SORT1: variants seen among roughly 807,000 people sequenced by gnomAD.
The protein encoded by SORT1 is sortilin.
Under a neutral mutation model 101.7 loss-of-function variants are expected in SORT1, and 39 were observed. The observed-to-expected ratio is 0.38, with a 90% CI of 0.30 to 0.50. SORT1 has a LOEUF of 0.50. SORT1 is among the 20% of genes least tolerant of loss of function. The pLI is 0.90. For missense variants in SORT1, 878 were observed against 1,040.4 expected (o/e 0.84, Z 2.15); for synonymous variants, 396 against 393.7 (o/e 1.01, Z -0.07).
At chr1:109,377,989 T>C (rs938828888) in intron 1 of SORT1, among the ~76,000 whole-genome samples, 1 of 152,056 alleles carries the variant, frequency 6.6e-6, no homozygotes, top group African/African-American at 2.4e-5. Flanking sequence ...CCCAGCACAT[T>C]GGGAGGCTGA....
chr1:109,379,668 G>T (rs1652096954), intron 1 of SORT1, among the ~76,000 whole-genome samples: 1 of 152,192 alleles, frequency 6.6e-6, no homozygotes, highest in Admixed American at 6.5e-5. Context: ...TGGGTGAAAT[G>T]TCAGCTTGAT....
chr1:109,335,876 A>C (rs1396851472), intron 11 of SORT1, among the ~76,000 whole-genome samples: 1 of 152,208 alleles, frequency 6.6e-6, no homozygotes, highest in Admixed American at 6.5e-5. Context: ...AAGGCTGTGC[A>C]CTGCTTATGA....
intron 11 of SORT1, 69 bp downstream of exon 11, chr1:109,336,171 A>C: frequency 1.1e-6 from 1 of 946,318 alleles, no homozygotes; most frequent in Non-Finnish European, 1.7e-6. Flanking sequence ...TTCATCATCC[A>C]AAAGGCTGGC....
chr1:109,396,391 A>AT (rs201716200), intron 1 of SORT1, among the ~76,000 whole-genome samples: 1,620 of 151,560 alleles, frequency 0.011, 12 homozygotes, highest in Non-Finnish European at 0.017. Context: ...AGTCTATTCG[A>AT]TTTTTTTTTC....
chr1:109,354,232 A>C (rs1190620726), intron 5 of SORT1, 135 bp downstream of exon 5: 1 of 625,508 alleles, frequency 1.6e-6, no homozygotes, highest in Admixed American at 3.2e-5. Flanking sequence ...AACGTCAAAA[A>C]AATACATACT....
chr1:109,319,491 G>A (rs929040779), intron 15 of SORT1, among the ~76,000 whole-genome samples: 1 of 152,148 alleles, frequency 6.6e-6, no homozygotes, highest in Non-Finnish European at 1.5e-5. Flanking sequence ...TTTCTCAAAA[G>A]AATATTTTTT....
rs1481279286 is a variant in SORT1 at position 109,311,916 on chromosome 1, T to G, written c.*2127A>C. ...CACACACACGGGGACCCTGAACAAC[T>G]GACTCCATCCCAAGAACATTGTGAG... On this transcript the variant is annotated 3_prime_UTR_variant, in exon 20 of 20. Coordinates refer to ENST00000256637, the MANE Select transcript of SORT1 (RefSeq NM_002959.7). 9 of 152,750 alleles carry G rather than the reference T, an allele frequency of 5.9e-5. No individual in the cohort carries two copies. The East Asian group carries it at 1.7e-3, about 29-fold the overall frequency. 9.5% of individuals were successfully genotyped at this position (152,750 alleles called of 1,614,324 possible).
At chr1:109,335,695 C>G (rs1648766899) in intron 11 of SORT1, among the ~76,000 whole-genome samples, 1 of 152,050 alleles carries the variant, frequency 6.6e-6, no homozygotes, top group Non-Finnish European at 1.5e-5. Flanking sequence ...GCCTGTCACT[C>G]CAGGCTTTAG....
At chr1:109,388,753 A>G (rs952702903) in intron 1 of SORT1, among the ~76,000 whole-genome samples, 7 of 152,208 alleles carry the variant, frequency 4.6e-5, no homozygotes, top group African/African-American at 1.4e-4. Flanking sequence ...AATGACCCTA[A>G]GAGGTAGTAT....
chr1:109,365,958 C>G (rs1651059327), intron 3 of SORT1, among the ~76,000 whole-genome samples: 2 of 152,180 alleles, frequency 1.3e-5, no homozygotes, highest in Admixed American at 6.5e-5. Context: ...GGGCCAAGAA[C>G]AGCAGTCAAA....
At chr1:109,319,056 G>A (rs559695167) in intron 15 of SORT1, among the ~76,000 whole-genome samples, 1 of 152,300 alleles carries the variant, frequency 6.6e-6, no homozygotes, top group South Asian at 2.1e-4. Context: ...GGGATTACAG[G>A]CATGAGTCAC....
chr1:109,375,772 ACT>A (rs1397385228), intron 1 of SORT1, among the ~76,000 whole-genome samples: 5 of 152,034 alleles, frequency 3.3e-5, no homozygotes, highest in Non-Finnish European at 7.4e-5. Context: ...ATGATAGCCG[ACT>A]CTTCCTACAA....
chr1:109,380,305 T>G (rs1276795679), intron 1 of SORT1, among the ~76,000 whole-genome samples: 1 of 151,996 alleles, frequency 6.6e-6, no homozygotes, highest in Non-Finnish European at 1.5e-5. Flanking sequence ...AAAATGATAC[T>G]AGAAGTATAA....
intron 14 of SORT1, among the ~76,000 whole-genome samples, chr1:109,324,134 TC>T (rs1365701657): frequency 2.7e-5 from 2 of 75,010 alleles, no homozygotes; most frequent in Non-Finnish European, 6.1e-5. Context: ...TTATCCCCCT[TC>T]TTTTTTTTTT....
At chr1:109,355,620 G>A in intron 3 of SORT1, 151 bp from the exon 4 acceptor site, 1 of 498,360 alleles carries the variant, frequency 2.0e-6, no homozygotes, top group Admixed American at 3.3e-5. Context: ...GAGGTGCCCT[G>A]GTGAGTCCGA....
intron 8 of SORT1, among the ~76,000 whole-genome samples, chr1:109,343,595 C>A (rs548681474): frequency 9.8e-5 from 15 of 152,318 alleles, no homozygotes; most frequent in African/African-American, 3.6e-4. Context: ...CCCAAATGCT[C>A]ACTTGACATC....
At chr1:109,350,857 T>C (rs1649911740) in intron 6 of SORT1, 72 bp downstream of exon 6, 1 of 983,766 alleles carries the variant, frequency 1.0e-6, no homozygotes, top group South Asian at 1.3e-5. Flanking sequence ...TCAATATTTA[T>C]TCATGTGATT....
intron 1 of SORT1, among the ~76,000 whole-genome samples, chr1:109,374,733 C>A (rs1002452215): frequency 3.9e-5 from 6 of 152,164 alleles, no homozygotes; most frequent in African/African-American, 1.4e-4. Flanking sequence ...CTGAGGCGGG[C>A]AGATCACCTG....
chr1:109,355,845 T>C (rs533552696), intron 3 of SORT1, among the ~76,000 whole-genome samples: 54 of 151,846 alleles, frequency 3.6e-4, no homozygotes, highest in Non-Finnish European at 5.2e-4. Context: ...GGTGCTTTTG[T>C]CCCCCAAGAA....
Sources: allele counts gnomAD v4.1 joint callset (sites outside exome capture counted in the v4.1 genomes callset), GRCh38; gene constraint gnomAD v4.1.1; transcripts MANE v1.5; gene names NCBI Gene and HGNC (gene_info 2026-07-23, HGNC 2026-07-21).